Variants in CCSER1 observed in about 807,000 individuals in gnomAD.
The protein encoded by CCSER1 is coiled-coil serine rich protein 1, also known as serine-rich coiled-coil domain-containing protein 1.
A neutral mutation model predicts 82.0 loss-of-function variants in CCSER1; 41 were observed. That is an observed-to-expected ratio of 0.50 (90% CI 0.39 to 0.65). The LOEUF (loss-of-function observed/expected upper bound fraction) is 0.65. Among genes scored for constraint, CCSER1 ranks in the 30% least tolerant of loss-of-function variants. The pLI, the probability that CCSER1 is intolerant of heterozygous loss-of-function variation, is 0.00. For missense variants in CCSER1, 1,119 were observed against 1,064.2 expected, an observed-to-expected ratio of 1.05 and a Z score of -0.72; for synonymous variants, 414 against 383.9, an observed-to-expected ratio of 1.08 and a Z score of -0.92.
chr4:90,321,747 A>G (rs1351355439), intron 3 of CCSER1, among the ~76,000 whole-genome samples: 3 of 152,052 alleles, frequency 2.0e-5, no homozygotes, highest in South Asian at 2.1e-4. Flanking sequence ...CGTTTGGATA[A>G]AAGACACTTT....
chr4:90,197,284 A>T (rs1362223209), intron 1 of CCSER1, among the ~76,000 whole-genome samples: 1 of 152,052 alleles, frequency 6.6e-6, no homozygotes, highest in Non-Finnish European at 1.5e-5. Context: ...CAACCTGGAA[A>T]CTCTCAGAAA....
chr4:90,672,688 A>G (rs988621298), intron 6 of CCSER1, among the ~76,000 whole-genome samples: 1 of 152,040 alleles, frequency 6.6e-6, no homozygotes. Context: ...TTTAGACATG[A>G]CTTCCTCACT....
chr4:90,220,885 T>C (rs2153421024), intron 1 of CCSER1, among the ~76,000 whole-genome samples: 1 of 152,342 alleles, frequency 6.6e-6, no homozygotes, highest in South Asian at 2.1e-4. Context: ...TAATTTTTCT[T>C]ATTCCCTTCT....
intron 4 of CCSER1, among the ~76,000 whole-genome samples, chr4:90,445,486 G>T (rs1760522183): frequency 6.6e-6 from 1 of 152,018 alleles, no homozygotes; most frequent in Non-Finnish European, 1.5e-5. Context: ...GCCTTATTTA[G>T]ATGTACGTGA....
intron 10 of CCSER1, among the ~76,000 whole-genome samples, chr4:91,407,699 G>A (rs1487945096): frequency 6.6e-6 from 1 of 152,136 alleles, no homozygotes; most frequent in Non-Finnish European, 1.5e-5. Flanking sequence ...AGATCACATG[G>A]TGAGAGAAGG....
chr4:90,830,526 T>C (rs1760997417), intron 8 of CCSER1, among the ~76,000 whole-genome samples: 1 of 152,180 alleles, frequency 6.6e-6, no homozygotes, highest in Non-Finnish European at 1.5e-5. Context: ...GTCAATTTGA[T>C]GGTTATGGGG....
At chr4:90,135,735 C>A (rs867212822) in intron 1 of CCSER1, among the ~76,000 whole-genome samples, 33 of 152,204 alleles carry the variant, frequency 2.2e-4, no homozygotes, top group Middle Eastern at 3.4e-3. Context: ...CTGGCTGTGC[C>A]CCACTAGAAA....
At chr4:90,914,131 G>T (rs1161355489) in intron 8 of CCSER1, among the ~76,000 whole-genome samples, 2 of 152,148 alleles carry the variant, frequency 1.3e-5, no homozygotes, top group African/African-American at 4.8e-5. Flanking sequence ...ATTCAGCTGT[G>T]CACCAAGTGG....
At chr4:90,514,570 A>G (rs769379411) in intron 5 of CCSER1, among the ~76,000 whole-genome samples, 3 of 152,084 alleles carry the variant, frequency 2.0e-5, no homozygotes, top group Non-Finnish European at 4.4e-5. Context: ...AGCCTGGCCA[A>G]CATAGTGAAA....
chr4:91,406,334 T>C (rs1222396602), intron 10 of CCSER1, among the ~76,000 whole-genome samples: 1 of 152,214 alleles, frequency 6.6e-6, no homozygotes, highest in Non-Finnish European at 1.5e-5. Flanking sequence ...AGGGTCTCTT[T>C]TACTCCAAAG....
chr4:90,639,850 G>A (rs1052891311), intron 6 of CCSER1, among the ~76,000 whole-genome samples: 3 of 152,088 alleles, frequency 2.0e-5, no homozygotes, highest in Non-Finnish European at 4.4e-5. Flanking sequence ...TGTACATCCA[G>A]CAAGATCATG....
intron 7 of CCSER1, among the ~76,000 whole-genome samples, chr4:90,739,457 T>C (rs1218446704): frequency 6.6e-6 from 1 of 152,182 alleles, no homozygotes; most frequent in African/African-American, 2.4e-5. Context: ...GAAACTCCCT[T>C]GGCTGCCCCA....
At chr4:90,228,008 T>C (rs1163666141) in intron 1 of CCSER1, among the ~76,000 whole-genome samples, 2 of 152,118 alleles carry the variant, frequency 1.3e-5, no homozygotes, top group Non-Finnish European at 2.9e-5. Flanking sequence ...AGCACAGCAG[T>C]CTGAGATCAA....
At chr4:91,466,315 A>G (rs1329207051) in intron 10 of CCSER1, among the ~76,000 whole-genome samples, 1 of 152,190 alleles carries the variant, frequency 6.6e-6, no homozygotes, top group Non-Finnish European at 1.5e-5. Context: ...CCTTCATGCT[A>G]AAAACTCTCA....
In CCSER1 at chr4:90,646,568, G is replaced by A. The variant is rs188377745; in HGVS notation, c.1932+18336G>A. 2.0e-4 allele frequency among the ~76,000 whole-genome samples: 31 copies of A among 152,256 alleles called. 1 individual carries two copies. In the East Asian group the frequency reaches 6.0e-3, roughly 29 times the overall value. On this transcript the variant is annotated intron_variant, in intron 6 of 10. Transcript: ENST00000509176. ...AAAAAATACCAGGATGCATAAACCA[G>A]GAAGTATGTCTGCATTCAAACATTG... is the stretch of plus-strand genomic sequence containing the variant.
At chr4:90,704,748 T>C (rs1227291521) in intron 6 of CCSER1, among the ~76,000 whole-genome samples, 2 of 152,256 alleles carry the variant, frequency 1.3e-5, no homozygotes, top group Non-Finnish European at 2.9e-5. Flanking sequence ...TGATACCATT[T>C]CTTCCAGTTG....
intron 10 of CCSER1, among the ~76,000 whole-genome samples, chr4:91,576,152 T>C (rs1472097620): frequency 6.6e-6 from 1 of 151,910 alleles, no homozygotes; most frequent in African/African-American, 2.4e-5. Context: ...TATCTATCTA[T>C]CAATCATCTA....
intron 5 of CCSER1, among the ~76,000 whole-genome samples, chr4:90,596,770 A>C (rs1783396657): frequency 1.3e-5 from 2 of 151,966 alleles, no homozygotes; most frequent in South Asian, 4.1e-4. Flanking sequence ...TGTAATTTAA[A>C]TGATTAAAAT....
intron 10 of CCSER1, among the ~76,000 whole-genome samples, chr4:91,134,310 T>A (rs2148914613): frequency 6.6e-6 from 1 of 151,720 alleles, no homozygotes; most frequent in African/African-American, 2.4e-5. Context: ...GGTGAAAGGA[T>A]CACTTGAGCC....
Sources: gnomAD v4.1 joint callset for allele counts (sites outside exome capture counted in the v4.1 genomes callset) on GRCh38, gnomAD v4.1.1 for gene constraint, MANE v1.5 for transcripts, NCBI Gene and HGNC (gene_info 2026-07-23, HGNC 2026-07-21) for gene names.